The following RHBDD1 variants were observed in gnomAD, a reference collection of about 807,000 sequenced individuals.
RHBDD1 encodes rhomboid domain containing 1.
In RHBDD1, 38 loss-of-function variants were observed where a neutral mutation model predicts 36.3. That is an observed-to-expected ratio of 1.05 (90% CI 0.81 to 1.37). The LOEUF is 1.37. Among genes scored for constraint, RHBDD1 ranks in the 40% most tolerant of loss-of-function variants. The pLI is 0.00. For missense variants in RHBDD1, 393 were observed against 377.6 expected, an observed-to-expected ratio of 1.04 and a Z score of -0.34; for synonymous variants, 151 against 136.5, an observed-to-expected ratio of 1.11 and a Z score of -0.74.
chr2:226,842,961 G>A (rs1941833294), intron 3 of RHBDD1, among the ~76,000 whole-genome samples: 1 of 152,156 alleles, frequency 6.6e-6, no homozygotes. Context: ...ACAGTGGTTT[G>A]TAGTTCTCCT....
At chr2:226,949,934 A>G (rs1025620116) in intron 8 of RHBDD1, among the ~76,000 whole-genome samples, 3 of 152,196 alleles carry the variant, frequency 2.0e-5, no homozygotes, top group Non-Finnish European at 4.4e-5. Context: ...GTAAAAATTA[A>G]TTATTTAGTT....
chr2:226,875,211 T>C (rs1438863801), intron 5 of RHBDD1, among the ~76,000 whole-genome samples: 1 of 152,162 alleles, frequency 6.6e-6, no homozygotes, highest in Admixed American at 6.5e-5. Context: ...GGACATAAGA[T>C]AAGGAGCATC....
chr2:226,915,961 T>C (rs1279384744), intron 8 of RHBDD1, among the ~76,000 whole-genome samples: 1 of 152,200 alleles, frequency 6.6e-6, no homozygotes, highest in Non-Finnish European at 1.5e-5. Flanking sequence ...GCTGGTCTGC[T>C]GGGGTCTGGC....
At chr2:226,861,509 G>T (rs1943851675) in intron 3 of RHBDD1, among the ~76,000 whole-genome samples, 1 of 152,228 alleles carries the variant, frequency 6.6e-6, no homozygotes, top group South Asian at 2.1e-4. Context: ...GATTGTAATT[G>T]AGGGGCAAGT....
At chr2:226,974,090 T>G (rs755466150) in intron 8 of RHBDD1, among the ~76,000 whole-genome samples, 5 of 152,156 alleles carry the variant, frequency 3.3e-5, no homozygotes, top group Non-Finnish European at 7.3e-5. Context: ...CTGCGATTCC[T>G]TTTTGCACAG....
At chr2:226,807,447 TTTC>T in the RHBDD1 span, 1 of 152,224 alleles carries the variant, frequency 6.6e-6, no homozygotes, top group Non-Finnish European at 1.5e-5. Context: ...CTATTTTGTA[TTTC>T]TTAATTTACC....
At chr2:226,928,702 C>T (rs544880312) in intron 8 of RHBDD1, among the ~76,000 whole-genome samples, 1 of 151,786 alleles carries the variant, frequency 6.6e-6, no homozygotes, top group African/African-American at 2.4e-5. Context: ...CAAAAAAGAT[C>T]ATGAAACAGA....
intron 8 of RHBDD1, among the ~76,000 whole-genome samples, chr2:226,958,595 A>G (rs1316464415): frequency 6.6e-6 from 1 of 152,058 alleles, no homozygotes; most frequent in Non-Finnish European, 1.5e-5. Flanking sequence ...TGAAGCAATT[A>G]TTTTTTCTTA....
chr2:226,998,724 A>G lies in RHBDD1; in HGVS notation c.*3202A>G, dbSNP rs1346587275. The G allele has an allele frequency of 6.6e-6, 1 of 152,218 alleles. No individual in the cohort carries two copies. The highest frequency in any genetic ancestry group is 1.5e-5 in the Non-Finnish European group (1 of 68,042). The allele number at this position is 152,218 out of a possible 1,614,324, so 9.4% of individuals were successfully genotyped here. The stretch of plus-strand genomic sequence containing the variant: ...CTACATAACTCCAGCTTAGTCTTCC[A>G]AAATTCACTTTCATGATGCCACTCA... On this transcript the variant is annotated 3_prime_UTR_variant, in exon 9 of 9. Coordinates refer to ENST00000392062, the MANE Select transcript of RHBDD1 (RefSeq NM_001167608.3).
chr2:226,962,161 A>G (rs968840867), intron 8 of RHBDD1, among the ~76,000 whole-genome samples: 2 of 152,234 alleles, frequency 1.3e-5, no homozygotes, highest in Non-Finnish European at 2.9e-5. Flanking sequence ...AAGTGGTGAT[A>G]TATTGGACAC....
rs1385074450 is a variant in RHBDD1 at position 226,996,783 on chromosome 2, T to C, written c.*1261T>C. On this transcript the variant is annotated 3_prime_UTR_variant, in exon 9 of 9. Transcript: ENST00000392062. ...ATATTACTGTCTTGGAAGATGTGTT[T>C]ATGTGTGTGTGTTACTTTTACAATC... 1 of 152,242 alleles carries C rather than the reference T, an allele frequency of 6.6e-6. No individual in the cohort carries two copies. Among genetic ancestry groups the C allele is most frequent in the Non-Finnish European group, 1.5e-5 (1 of 68,048 alleles). The allele number at this position is 152,242 out of a possible 1,614,324, so 9.4% of individuals were successfully genotyped here.
chr2:226,823,694 A>G, the RHBDD1 span, among the ~76,000 whole-genome samples: 4 of 152,218 alleles, frequency 2.6e-5, no homozygotes, highest in African/African-American at 9.7e-5. Flanking sequence ...AGAATAACAC[A>G]TACTGGGTAA....
intron 5 of RHBDD1, chr2:226,895,644 G>A: frequency 1.0e-6 from 1 of 984,608 alleles, no homozygotes; most frequent in Non-Finnish European, 1.2e-6. Flanking sequence ...TTTAATTTAG[G>A]ACAACCTGCC....
At chr2:226,882,294 G>T (rs1297285962) in intron 5 of RHBDD1, among the ~76,000 whole-genome samples, 4 of 151,872 alleles carry the variant, frequency 2.6e-5, no homozygotes, top group Non-Finnish European at 5.9e-5. Flanking sequence ...GCTGGGCTTG[G>T]TGGCAGGCAC....
rs1371471111 is a variant in RHBDD1, at chr2:226,997,646, T to C, written c.*2124T>C. Reference sequence around the variant, plus strand: ...TTTATTTTTTATTTTTTTATATCACTTGAGTCCACTAGTAGTACTTCCTTG... The same window carrying C: ...TTTATTTTTTATTTTTTTATATCACCTGAGTCCACTAGTAGTACTTCCTTG... On this transcript the variant is annotated 3_prime_UTR_variant, in exon 9 of 9. Coordinates refer to ENST00000392062, the MANE Select transcript of RHBDD1 (RefSeq NM_001167608.3). 2 of 152,202 alleles carry C rather than the reference T, an allele frequency of 1.3e-5. No homozygotes were observed. Among genetic ancestry groups the C allele is most frequent in the Non-Finnish European group, 2.9e-5 (2 of 68,040 alleles). 9.4% of individuals were successfully genotyped at this position (152,202 alleles called of 1,614,324 possible).
At chr2:226,945,604 G>A (rs927092541) in intron 8 of RHBDD1, among the ~76,000 whole-genome samples, 7 of 152,014 alleles carry the variant, frequency 4.6e-5, no homozygotes, top group South Asian at 4.1e-4. Flanking sequence ...ATTGTGAGTA[G>A]TGCCGCGGTA....
intron 6 of RHBDD1, chr2:226,908,550 C>A (rs1469449394): frequency 5.1e-6 from 2 of 389,048 alleles, no homozygotes; most frequent in Non-Finnish European, 9.4e-6. Flanking sequence ...TAAGGAACTT[C>A]AGTGAGTGTA....
intron 8 of RHBDD1, among the ~76,000 whole-genome samples, chr2:226,938,077 T>G (rs1248882768): frequency 1.3e-5 from 2 of 152,192 alleles, no homozygotes; most frequent in Non-Finnish European, 2.9e-5. Context: ...AAAGCATTCC[T>G]TTTTCTCCAC....
At chr2:226,852,773 C>G (rs1197675919) in intron 3 of RHBDD1, among the ~76,000 whole-genome samples, 1 of 151,614 alleles carries the variant, frequency 6.6e-6, no homozygotes, top group African/African-American at 2.4e-5. Flanking sequence ...TTTAATTAAT[C>G]TTATTTTATT....
Sources: allele counts gnomAD v4.1 joint callset (sites outside exome capture counted in the v4.1 genomes callset), GRCh38; gene constraint gnomAD v4.1.1; transcripts MANE v1.5; gene names NCBI Gene and HGNC (gene_info 2026-07-23, HGNC 2026-07-21).